Variants in ERC1 observed in about 807,000 individuals in gnomAD.
ERC1 encodes ELKS/RAB6-interacting/CAST family member 1.
A neutral mutation model predicts 132.0 loss-of-function variants in ERC1; 56 were observed. The ratio of observed to expected loss-of-function variants is 0.42; its 90% CI spans 0.34 to 0.53. ERC1 has a LOEUF of 0.53. Among genes scored for constraint, ERC1 ranks in the 20% least tolerant of loss-of-function variants. The pLI is 0.03. For missense variants in ERC1, 1,202 were observed against 1,349.9 expected (o/e 0.89, Z 1.72); for synonymous variants, 478 against 476.1 (o/e 1.00, Z -0.05).
intron 2 of ERC1, among the ~76,000 whole-genome samples, chr12:1,061,893 G>T (rs1938005664): frequency 6.7e-6 from 1 of 150,318 alleles, no homozygotes; most frequent in Non-Finnish European, 1.5e-5. Context: ...CTTCTTTTTT[G>T]ATATAAGTAT....
intron 17 of ERC1, among the ~76,000 whole-genome samples, chr12:1,425,233 T>G (rs2092598186): frequency 6.6e-6 from 1 of 152,216 alleles, no homozygotes; most frequent in African/African-American, 2.4e-5. Flanking sequence ...AGTAGGCACT[T>G]ATGCTGGATT....
chr12:1,237,817 C>T (rs2075524841), intron 13 of ERC1, among the ~76,000 whole-genome samples: 3 of 152,190 alleles, frequency 2.0e-5, no homozygotes, highest in African/African-American at 7.2e-5. Context: ...CATGCTAAGA[C>T]TAAGCCACTG....
Position 1,234,227 on chromosome 12 carries a change from A to G in ERC1, c.2352-2542A>G, listed in dbSNP as rs572304891. Among the ~76,000 whole-genome samples, 3 of 152,302 alleles carry G rather than the reference A, an allele frequency of 2.0e-5. No individual in the cohort carries two copies. The East Asian group carries it at 5.8e-4, about 29-fold the overall frequency. On this transcript the variant is annotated intron_variant, in intron 12 of 18. Coordinates refer to ENST00000360905, the MANE Select transcript of ERC1 (RefSeq NM_178040.4). ...ACACGTTCAGTAAAACCACACTTTG[A>G]ATTTTGATCTTTTCCTGTGCTATTG...
At chr12:1,447,756 T>TCC (rs1396786338) in intron 18 of ERC1, among the ~76,000 whole-genome samples, 2 of 151,904 alleles carry the variant, frequency 1.3e-5, no homozygotes, top group Non-Finnish European at 2.9e-5. Flanking sequence ...TTCAAGCAAT[T>TCC]CTCGTGCCTC....
chr12:1,028,715 A>G (rs1396429754), intron 2 of ERC1, 143 bp downstream of exon 2: 1 of 742,894 alleles, frequency 1.3e-6, no homozygotes, highest in East Asian at 2.7e-5. Context: ...TGTGTCCTCC[A>G]TTTCTCAGCC....
chr12:1,242,677 CA>C (rs2075885961), intron 13 of ERC1, among the ~76,000 whole-genome samples: 1 of 152,070 alleles, frequency 6.6e-6, no homozygotes, highest in Non-Finnish European at 1.5e-5. Context: ...TCTATAAGAG[CA>C]AATGTTAACA....
chr12:1,444,097 T>C (rs1565452576), intron 17 of ERC1: 1 of 152,568 alleles, frequency 6.6e-6, no homozygotes, highest in Non-Finnish European at 1.5e-5. Context: ...GGCAGAATTT[T>C]TCTTCCATTC....
chr12:1,277,651 G>T (rs1460537194), intron 14 of ERC1, among the ~76,000 whole-genome samples: 3 of 152,060 alleles, frequency 2.0e-5, no homozygotes, highest in Non-Finnish European at 2.9e-5. Flanking sequence ...GAACTATGTA[G>T]AATCATTCTG....
intron 2 of ERC1, among the ~76,000 whole-genome samples, chr12:1,035,079 A>G (rs374062091): frequency 1.2e-3 from 177 of 152,360 alleles, no homozygotes; most frequent in Non-Finnish European, 2.1e-3. Context: ...TTTAAAGTAA[A>G]GTGAAACACT....
intron 2 of ERC1, among the ~76,000 whole-genome samples, chr12:1,050,285 T>A (rs1971720720): frequency 6.6e-6 from 1 of 152,202 alleles, no homozygotes; most frequent in Non-Finnish European, 1.5e-5. Flanking sequence ...CTGTACTTCT[T>A]CCTGACCCAG....
intron 18 of ERC1, among the ~76,000 whole-genome samples, chr12:1,458,710 G>T: frequency 1.3e-5 from 2 of 151,896 alleles, no homozygotes. Flanking sequence ...GGCTAATTTT[G>T]TATTTTTAGT....
intron 8 of ERC1, among the ~76,000 whole-genome samples, chr12:1,146,308 G>GTTTTTTTTTTTT (rs1172108036): frequency 6.0e-4 from 19 of 31,792 alleles, no homozygotes; most frequent in East Asian, 1.5e-3. Flanking sequence ...TATTTTACTG[G>GTTTTTTTTTTTT]TTTTTTTTTT....
At chr12:1,439,600 TATC>T (rs1310990298) in intron 17 of ERC1, among the ~76,000 whole-genome samples, 4 of 152,200 alleles carry the variant, frequency 2.6e-5, no homozygotes, top group African/African-American at 7.2e-5. Flanking sequence ...TACAAGCAAA[TATC>T]ATGACGAGTT....
intron 15 of ERC1, among the ~76,000 whole-genome samples, chr12:1,317,553 T>TA (rs2081847327): frequency 6.6e-6 from 1 of 152,072 alleles, no homozygotes; most frequent in Non-Finnish European, 1.5e-5. Context: ...AGTATAATTT[T>TA]AAAAAAAGTA....
intron 12 of ERC1, among the ~76,000 whole-genome samples, chr12:1,215,297 G>A (rs916096971): frequency 2.9e-5 from 4 of 136,824 alleles, no homozygotes; most frequent in African/African-American, 1.2e-4. Flanking sequence ...TGTACTATAA[G>A]CAGCAAACTT....
Position 1,234,126 on chromosome 12 carries a change from T to TAGA in ERC1, c.2352-2641_2352-2640insAAG, listed in dbSNP as rs529629432. The stretch of plus-strand genomic sequence containing the variant: ...TATGGAGGAAAATATAATGCTTTGT[T>TAGA]AGCCTTTTAAGGAGACCTAAACAAA... On this transcript the variant is annotated intron_variant, in intron 12 of 18. Coordinates refer to ENST00000360905, the MANE Select transcript of ERC1 (RefSeq NM_178040.4). Among the ~76,000 whole-genome samples the TAGA allele has an allele frequency of 1.6e-3, 247 of 152,330 alleles. 1 individual carries two copies. The highest frequency in any genetic ancestry group is 6.8e-3 in the Middle Eastern group (2 of 294).
At chr12:1,223,370 G>A (rs2074318165) in intron 12 of ERC1, among the ~76,000 whole-genome samples, 2 of 152,344 alleles carry the variant, frequency 1.3e-5, no homozygotes, top group African/African-American at 4.8e-5. Context: ...GCCTGGCATA[G>A]TCTGCATTGA....
At chr12:1,241,556 A>G (rs1158206160) in intron 13 of ERC1, among the ~76,000 whole-genome samples, 2 of 152,140 alleles carry the variant, frequency 1.3e-5, no homozygotes, top group Non-Finnish European at 2.9e-5. Context: ...AACAGAGTCA[A>G]GCATACTAGT....
intron 15 of ERC1, among the ~76,000 whole-genome samples, chr12:1,352,776 T>G (rs999874541): frequency 6.6e-5 from 10 of 152,334 alleles, no homozygotes; most frequent in Admixed American, 6.5e-4. Flanking sequence ...GTAGCACTTG[T>G]TTTACTTTAT....
Sources: gnomAD v4.1 joint callset for allele counts (sites outside exome capture counted in the v4.1 genomes callset) on GRCh38, gnomAD v4.1.1 for gene constraint, MANE v1.5 for transcripts, NCBI Gene and HGNC (gene_info 2026-07-23, HGNC 2026-07-21) for gene names.